FRMD3: variants seen among roughly 807,000 people sequenced by gnomAD.
FRMD3 encodes the protein FERM domain containing 3.
A neutral mutation model predicts 70.2 loss-of-function variants in FRMD3; 33 were observed. The observed-to-expected ratio is 0.47, with a 90% CI of 0.36 to 0.63. The LOEUF is 0.63. Among genes scored for constraint, FRMD3 ranks in the 20% least tolerant of loss-of-function variants. The probability of loss-of-function intolerance (pLI) is 0.00; values close to 1 mark genes in which losing one functional copy is unlikely to be tolerated. For missense variants in FRMD3, 632 were observed against 711.4 expected, an observed-to-expected ratio of 0.89 and a Z score of 1.27; for synonymous variants, 279 against 255.9, an observed-to-expected ratio of 1.09 and a Z score of -0.86.
At position 83,247,679 on chromosome 9, in the gene FRMD3, AT is replaced by A; in HGVS notation, c.*238del. ...GGGTATGTCTACACTATAATAAAAAATAAACATATTTTTGGTTATTTAAAGA... is the reference window on the plus strand; with the variant it reads ...GGGTATGTCTACACTATAATAAAAAAAAACATATTTTTGGTTATTTAAAGA... On this transcript the variant is annotated 3_prime_UTR_variant, in exon 14 of 14. Transcript: ENST00000304195. 1 of 1,267,724 alleles carries A rather than the reference AT, an allele frequency of 7.9e-7. No individual in the cohort carries two copies. The highest frequency in any genetic ancestry group is 1.0e-6 in the Non-Finnish European group (1 of 988,262). 78.5% of individuals were successfully genotyped at this position (1,267,724 alleles called of 1,614,324 possible).
At chr9:83,519,162 C>T (rs998158218) in intron 1 of FRMD3, among the ~76,000 whole-genome samples, 23 of 152,050 alleles carry the variant, frequency 1.5e-4, no homozygotes, top group Non-Finnish European at 2.5e-4. Flanking sequence ...TAAACTAAAG[C>T]GCTTCTGCAT....
intron 12 of FRMD3, among the ~76,000 whole-genome samples, chr9:83,293,192 A>G (rs1014115524): frequency 6.6e-6 from 1 of 151,818 alleles, no homozygotes; most frequent in Non-Finnish European, 1.5e-5. Flanking sequence ...GGGAGGGAGG[A>G]AGGGAGGGAT....
intron 1 of FRMD3, among the ~76,000 whole-genome samples, chr9:83,511,563 G>C (rs1210574590): frequency 1.3e-5 from 2 of 152,302 alleles, no homozygotes; most frequent in East Asian, 1.9e-4. Flanking sequence ...TGGAGAGCCA[G>C]GAAAGAGCGC....
At chr9:83,568,951 GATAGATACATAC>G in the FRMD3 span, among the ~76,000 whole-genome samples, 301 of 114,518 alleles carry the variant, frequency 2.6e-3, no homozygotes, top group African/African-American at 0.01. Flanking sequence ...TAGATAGATA[GATAGATACATAC>G]ATACATACAT....
chr9:83,373,002 G>A (rs1409062478), intron 2 of FRMD3, 47 bp from the exon 3 acceptor site: 5 of 1,513,586 alleles, frequency 3.3e-6, no homozygotes, highest in East Asian at 4.5e-5. Flanking sequence ...CAAATTGCTG[G>A]ACCATACAAC....
At chr9:83,460,756 C>T (rs1196161864) in intron 1 of FRMD3, among the ~76,000 whole-genome samples, 3 of 152,092 alleles carry the variant, frequency 2.0e-5, no homozygotes, top group African/African-American at 7.2e-5. Context: ...TTTCCCTTGC[C>T]CTTCATGGGT....
chr9:83,299,484 G>A (rs914090694), intron 10 of FRMD3, among the ~76,000 whole-genome samples: 3 of 152,140 alleles, frequency 2.0e-5, no homozygotes, highest in Non-Finnish European at 4.4e-5. Flanking sequence ...AAAAGGACTG[G>A]GCAGTGATGA....
chr9:83,283,530 CAA>C (rs765093024), intron 13 of FRMD3, among the ~76,000 whole-genome samples: 14 of 132,254 alleles, frequency 1.1e-4, no homozygotes, highest in African/African-American at 3.4e-4. Context: ...GAATCCATCT[CAA>C]AAAAAAAAAA....
intron 1 of FRMD3, among the ~76,000 whole-genome samples, chr9:83,409,275 G>C (rs796122817): frequency 9.2e-5 from 14 of 152,282 alleles, no homozygotes; most frequent in African/African-American, 2.9e-4. Flanking sequence ...TCTCAATATT[G>C]CATGTTACTG....
chr9:83,490,796 T>TCACACACACA (rs1217910906), intron 1 of FRMD3, among the ~76,000 whole-genome samples: 41 of 112,050 alleles, frequency 3.7e-4, no homozygotes, highest in South Asian at 2.1e-3. Flanking sequence ...TCTCTCTCTC[T>TCACACACACA]CTCACACACA....
intron 6 of FRMD3, among the ~76,000 whole-genome samples, chr9:83,326,822 A>C (rs1481508861): frequency 6.6e-6 from 1 of 152,232 alleles, no homozygotes; most frequent in African/African-American, 2.4e-5. Flanking sequence ...TTCTTTTCAA[A>C]GAGCTAACAA....
intron 1 of FRMD3, among the ~76,000 whole-genome samples, chr9:83,397,149 C>A (rs141426036): frequency 1.3e-3 from 191 of 152,286 alleles, no homozygotes; most frequent in African/African-American, 4.4e-3. Context: ...TGGATGCTAG[C>A]TGCCCTTGAA....
intron 1 of FRMD3, among the ~76,000 whole-genome samples, chr9:83,475,047 C>T (rs1192131043): frequency 2.6e-5 from 4 of 152,168 alleles, no homozygotes; most frequent in African/African-American, 9.6e-5. Context: ...GAACACTCCT[C>T]GGTTGAAGAA....
At chr9:83,379,671 C>T (rs1825296389) in intron 2 of FRMD3, among the ~76,000 whole-genome samples, 1 of 152,124 alleles carries the variant, frequency 6.6e-6, no homozygotes, top group Non-Finnish European at 1.5e-5. Context: ...CTGTCAAGCC[C>T]CAGCAGCCTG....
intron 13 of FRMD3, among the ~76,000 whole-genome samples, chr9:83,280,317 G>C (rs1009347609): frequency 6.6e-6 from 1 of 152,058 alleles, no homozygotes; most frequent in Admixed American, 6.6e-5. Flanking sequence ...TATTGTATTC[G>C]GTGTCCACTC....
chr9:83,297,080 A>C (rs1284053166), intron 12 of FRMD3, among the ~76,000 whole-genome samples: 4 of 152,226 alleles, frequency 2.6e-5, no homozygotes, highest in Admixed American at 2.0e-4. Flanking sequence ...GAAGCATTTA[A>C]AAAAATTCTT....
chr9:83,482,823 C>G (rs1477102999), intron 1 of FRMD3, among the ~76,000 whole-genome samples: 1 of 152,088 alleles, frequency 6.6e-6, no homozygotes, highest in East Asian at 1.9e-4. Context: ...ACAGATGGCA[C>G]CAGACAACCA....
intron 6 of FRMD3, among the ~76,000 whole-genome samples, chr9:83,314,407 C>T (rs1007769293): frequency 1.3e-5 from 2 of 152,216 alleles, no homozygotes; most frequent in African/African-American, 4.8e-5. Flanking sequence ...ATATTAATAT[C>T]CTACATGTAT....
Position 83,309,544 on chromosome 9 carries a change from G to A in FRMD3, c.918C>T (p.Ala306=). The change falls in exon 10 of 14, where the codon GCC becomes GCT. Residue 306 remains alanine (A), a synonymous_variant. Coordinates refer to ENST00000304195, the MANE Select transcript of FRMD3 (RefSeq NM_174938.6). ...HLWKCGVENQ[A]FYKYAKSSQI... is the part of the protein sequence containing the mutation. ...GAATAAAAGCCACTTACTTATAAAA[G>A]GCCTGGTTTTCCACTCCACACTTCC... 1.9e-6 allele frequency: 3 copies of A among 1,581,112 alleles called. No individual in the cohort carries two copies. In the South Asian group the frequency reaches 3.6e-5, roughly 19 times the overall value.
Sources: gnomAD v4.1 joint callset for allele counts (sites outside exome capture counted in the v4.1 genomes callset) on GRCh38, gnomAD v4.1.1 for gene constraint, MANE v1.5 for transcripts, NCBI Gene and HGNC (gene_info 2026-07-23, HGNC 2026-07-21) for gene names.